Variants in UNC45A observed in about 807,000 individuals in gnomAD.
UNC45A encodes the protein protein unc-45 homolog A.
Under a neutral mutation model 103.2 loss-of-function variants are expected in UNC45A, and 78 were observed. The observed-to-expected ratio is 0.76, with a 90% CI of 0.63 to 0.91. The LOEUF (loss-of-function observed/expected upper bound fraction) is 0.91. UNC45A is among the 40% of genes least tolerant of loss of function. UNC45A has a pLI of 0.00. For missense variants in UNC45A, 1,193 were observed against 1,224.8 expected, an observed-to-expected ratio of 0.97 and a Z score of 0.39; for synonymous variants, 495 against 504.6, an observed-to-expected ratio of 0.98 and a Z score of 0.25.
chr15:90,950,406 AGTACTCTCTT>A (rs2036835256), intron 16 of UNC45A, 84 bp from the exon 17 acceptor site: 1 of 1,471,774 alleles, frequency 6.8e-7, no homozygotes, highest in African/African-American at 1.4e-5. Flanking sequence ...CTGAGACAGC[AGTACTCTCTT>A]GGGGGTGGGC....
chr15:90,932,484 G>C, upstream of UNC45A: 2 of 1,310,760 alleles, frequency 1.5e-6, no homozygotes, highest in Non-Finnish European at 1.9e-6. Flanking sequence ...GCTGCTGCCG[G>C]TGCTTGCGAG....
At chr15:90,932,577 A>C (rs948683462), upstream of UNC45A, 2 of 1,199,818 alleles carry the variant, frequency 1.7e-6, no homozygotes, top group Admixed American at 4.2e-5. Flanking sequence ...CCGCAGGGGC[A>C]GGGACGGAAC....
chr15:90,943,297 T>C (rs2036387150), intron 8 of UNC45A, among the ~76,000 whole-genome samples: 1 of 151,802 alleles, frequency 6.6e-6, no homozygotes, highest in Non-Finnish European at 1.5e-5. Context: ...GGCATGGTGG[T>C]GTGCATCGGC....
upstream of UNC45A, chr15:90,932,820 G>A (rs2035852044): frequency 1.1e-5 from 4 of 362,526 alleles, no homozygotes; most frequent in East Asian, 1.2e-4. Flanking sequence ...TGGAAAAGAG[G>A]AAGACAGACA....
chr15:90,935,673 C>A lies in UNC45A; in HGVS notation c.181C>A (p.His61Asn). 6.3e-7 allele frequency: 1 copy of A among 1,581,202 alleles called. No individual in the cohort carries two copies. Among genetic ancestry groups the A allele is most frequent in the South Asian group, 1.2e-5 (1 of 86,314 alleles). The change falls in exon 2 of 20, where the codon CAC becomes AAC. Residue 61 changes from histidine (H) to asparagine (N), a missense_variant. Transcript: ENST00000418476. The part of the protein sequence containing the change: ...DATPQDQAVL[H>N]RNRAACHLKL... ...GACGCCCCAGGACCAGGCCGTTCTG[C>A]ACCGGAACCGGGCCGCCTGCCACCT...
upstream of UNC45A, chr15:90,931,662 C>CA: frequency 6.2e-7 from 1 of 1,613,942 alleles, no homozygotes; most frequent in Non-Finnish European, 8.5e-7. Context: ...CAGAAGGCGG[C>CA]ATCCCCCTCC....
chr15:90,940,168 A>G, intron 5 of UNC45A, 138 bp from the exon 6 acceptor site: 1 of 922,074 alleles, frequency 1.1e-6, no homozygotes, highest in Non-Finnish European at 1.6e-6. Flanking sequence ...CTAAACTTCA[A>G]AGAGGTTATT....
chr15:90,948,853 C>T (rs894188395), intron 13 of UNC45A, 59 bp downstream of exon 13: 2 of 1,392,930 alleles, frequency 1.4e-6, no homozygotes, highest in East Asian at 2.5e-5. Context: ...TAACCCAGGG[C>T]ATCCACAGCA....
upstream of UNC45A, chr15:90,932,196 C>T (rs973792236): frequency 1.4e-6 from 2 of 1,394,124 alleles, no homozygotes; most frequent in African/African-American, 2.9e-5. Flanking sequence ...AGATGTGGCC[C>T]CTTGTGGACT....
rs28406911 is a variant in UNC45A at position 90,948,804 on chromosome 15, C to T, written c.1878+10C>T. Reference sequence around the variant, plus strand: ...CGAGCAGCACCCCAAGGTGAGGGGCCGCCAGAGGGGCTAGAGGGTTCCCCA... The same window carrying T: ...CGAGCAGCACCCCAAGGTGAGGGGCTGCCAGAGGGGCTAGAGGGTTCCCCA... On this transcript the variant is annotated intron_variant, in intron 13 of 19. Coordinates refer to ENST00000418476, the MANE Select transcript of UNC45A (RefSeq NM_018671.5). 0.03 allele frequency: 47,790 copies of T among 1,593,438 alleles called. 955 individuals carry two copies. Among genetic ancestry groups the T allele is most frequent in the South Asian group, 0.064 (5,736 of 89,228 alleles).
intron 6 of UNC45A, among the ~76,000 whole-genome samples, chr15:90,941,209 A>G (rs1179099725): frequency 2.6e-5 from 4 of 152,170 alleles, no homozygotes; most frequent in Admixed American, 2.6e-4. Flanking sequence ...CCACCACAGC[A>G]TCTACCATCG....
intron 16 of UNC45A, 110 bp downstream of exon 16, chr15:90,950,377 C>T: frequency 1.4e-6 from 2 of 1,468,300 alleles, no homozygotes; most frequent in South Asian, 2.5e-5. Context: ...TTGTCAAGGC[C>T]TGGGGCAGGG....
chr15:90,940,240 G>C (rs2036222172), intron 5 of UNC45A, 66 bp from the exon 6 acceptor site: 2 of 1,530,450 alleles, frequency 1.3e-6, no homozygotes, highest in Non-Finnish European at 1.8e-6. Flanking sequence ...CGGGGCCCCT[G>C]CTCACCAGTG....
chr15:90,947,727 C>A, intron 10 of UNC45A, 69 bp from the exon 11 acceptor site: 1 of 1,186,850 alleles, frequency 8.4e-7, no homozygotes, highest in Non-Finnish European at 1.3e-6. Context: ...GGAGTCCAAG[C>A]CAGGTGTGGA....
chr15:90,931,984 AG>A (rs1272702350), upstream of UNC45A: 1 of 1,613,844 alleles, frequency 6.2e-7, no homozygotes, highest in Non-Finnish European at 8.5e-7. Flanking sequence ...ATGTCAGCCA[AG>A]GGTTGCCCAT....
intron 19 of UNC45A, 53 bp downstream of exon 19, chr15:90,953,363 G>A: frequency 1.3e-6 from 2 of 1,592,554 alleles, no homozygotes; most frequent in Non-Finnish European, 1.7e-6. Context: ...ACTCCCAGCA[G>A]CAGCTGAAGG....
intron 2 of UNC45A, 31 bp downstream of exon 2, chr15:90,935,736 C>T (rs1363980677): frequency 6.5e-7 from 1 of 1,534,346 alleles, no homozygotes; most frequent in South Asian, 1.3e-5. Context: ...TCCCCTCGCC[C>T]GCCCGGGCCC....
chr15:90,949,719 G>A lies in UNC45A; in HGVS notation c.2072G>A (p.Arg691Lys), dbSNP rs2036786317. ...ACTGTGGTTGCCCAGGGAGGCGGCAGGGTAAGCTGGTTTACACACCCCTTC... is the reference window on the plus strand; with the variant it reads ...ACTGTGGTTGCCCAGGGAGGCGGCAAGGTAAGCTGGTTTACACACCCCTTC... ...RGTVVAQGGG[R>K]ALIPLALEGT... The change falls in exon 15 of 20, where the codon AGG (arginine) becomes AAG (lysine). Residue 691 changes from arginine to lysine, a missense_variant and splice_region_variant. Arg to Lys is a conservative substitution (Grantham distance 26, BLOSUM62 2). Transcript: ENST00000418476. 1 of 1,614,132 alleles carries A rather than the reference G, an allele frequency of 6.2e-7. No homozygotes were observed. Among genetic ancestry groups the A allele is most frequent in the Non-Finnish European group, 8.5e-7 (1 of 1,180,014 alleles).
intron 17 of UNC45A, chr15:90,952,725 G>A (rs945236907): frequency 3.5e-6 from 2 of 572,906 alleles, no homozygotes; most frequent in Non-Finnish European, 3.1e-6. Context: ...ACGCCCGGCC[G>A]AGATGCCACG....
Sources: gnomAD v4.1 joint callset for allele counts (sites outside exome capture counted in the v4.1 genomes callset) on GRCh38, gnomAD v4.1.1 for gene constraint, MANE v1.5 for transcripts, NCBI Gene and HGNC (gene_info 2026-07-23, HGNC 2026-07-21) for gene names.